The following PHIP variants were observed in gnomAD, a reference collection of about 807,000 sequenced individuals.
PHIP encodes PH-interacting protein.
Under a neutral mutation model 236.8 loss-of-function variants are expected in PHIP, and 54 were observed. The ratio of observed to expected loss-of-function variants is 0.23; its 90% CI spans 0.18 to 0.29. The LOEUF (loss-of-function observed/expected upper bound fraction) is 0.29. Among genes scored for constraint, PHIP ranks in the 10% least tolerant of loss-of-function variants. The pLI is 1.00. For missense variants in PHIP, 1,370 were observed against 2,190.8 expected, an observed-to-expected ratio of 0.63 and a Z score of 7.48; for synonymous variants, 756 against 718.9, an observed-to-expected ratio of 1.05 and a Z score of -0.83.
intron 6 of PHIP, among the ~76,000 whole-genome samples, chr6:79,058,175 A>G (rs1773169083): frequency 6.6e-6 from 1 of 152,112 alleles, no homozygotes; most frequent in African/African-American, 2.4e-5. Flanking sequence ...AGAAAGGTAC[A>G]TCAATCACCT....
intron 24 of PHIP, among the ~76,000 whole-genome samples, chr6:78,973,802 G>T (rs1562140789): frequency 6.6e-6 from 1 of 151,648 alleles, no homozygotes; most frequent in Non-Finnish European, 1.5e-5. Flanking sequence ...ATGGTAAAGG[G>T]GTCAATTCAA....
In PHIP at chr6:78,940,227, GTATAA is replaced by G. The variant is rs1773418661; in HGVS notation, c.*461_*465del. On this transcript the variant is annotated 3_prime_UTR_variant, in exon 40 of 40. Coordinates refer to ENST00000275034, the MANE Select transcript of PHIP (RefSeq NM_017934.7). Reference sequence around the variant, plus strand: ...ACATTTCTTAATTCACTGCTACTCTGTATAACATCTATCTTTTAGGGGCATGACTT... The same window carrying G: ...ACATTTCTTAATTCACTGCTACTCTGCATCTATCTTTTAGGGGCATGACTT... The G allele has an allele frequency of 1.3e-5, 2 of 151,884 alleles. No individual in the cohort carries two copies. The highest frequency in any genetic ancestry group is 6.6e-5 in the Admixed American group (1 of 15,236). The allele number at this position is 151,884 out of a possible 1,614,324, so 9.4% of individuals were successfully genotyped here.
At chr6:79,036,209 T>C (rs1009124566) in intron 7 of PHIP, among the ~76,000 whole-genome samples, 1 of 152,238 alleles carries the variant, frequency 6.6e-6, no homozygotes, top group Admixed American at 6.5e-5. Context: ...ACATTTCATA[T>C]TGAAAAGTAG....
intron 19 of PHIP, 85 bp downstream of exon 19, chr6:78,997,329 A>T (rs1013524721): frequency 1.7e-5 from 20 of 1,165,196 alleles, no homozygotes; most frequent in Non-Finnish European, 2.1e-5. Context: ...GGAATTACAG[A>T]GCTGAAAATA....
In PHIP at chr6:79,019,133, C is replaced by T; in HGVS notation, c.950G>A (p.Arg317His). Residue 317 changes from arginine to histidine, a missense_variant, in exon 10 of 40, where the codon CGC (arginine) becomes CAC (histidine). By Grantham distance (29) the Arg-to-His change is conservative. Coordinates refer to ENST00000275034, the MANE Select transcript of PHIP (RefSeq NM_017934.7). ...INPRPAKFTE[R>H]PRPGVQMICS... Reference sequence around the variant, plus strand: ...GATCATTTGAACTCCAGGCCGAGGGCGCTCTGTAAATTTTGCAGGTCTTGG... The same window carrying T: ...GATCATTTGAACTCCAGGCCGAGGGTGCTCTGTAAATTTTGCAGGTCTTGG... 1.9e-6 allele frequency: 3 copies of T among 1,612,508 alleles called. No homozygotes were observed. Among genetic ancestry groups the T allele is most frequent in the East Asian group, 2.2e-5 (1 of 44,814 alleles).
chr6:78,979,295 T>C (rs996876756), intron 23 of PHIP, among the ~76,000 whole-genome samples: 8 of 152,014 alleles, frequency 5.3e-5, no homozygotes, highest in Non-Finnish European at 8.8e-5. Flanking sequence ...CAAAAATCCA[T>C]AGCCAACACT....
At chr6:78,999,536 A>T (rs1428212659) in intron 17 of PHIP, among the ~76,000 whole-genome samples, 1 of 152,128 alleles carries the variant, frequency 6.6e-6, no homozygotes, top group Non-Finnish European at 1.5e-5. Context: ...AATCTAGTAC[A>T]ATGCTAGGCA....
At chr6:78,960,649 A>G (rs1260357182) in intron 31 of PHIP, among the ~76,000 whole-genome samples, 1 of 152,036 alleles carries the variant, frequency 6.6e-6, no homozygotes, top group Admixed American at 6.6e-5. Flanking sequence ...AAAGTCTAAT[A>G]TATTAGTTTT....
chr6:79,009,119 C>T (rs1770444826), intron 15 of PHIP, among the ~76,000 whole-genome samples: 1 of 152,028 alleles, frequency 6.6e-6, no homozygotes. Context: ...AACTATTTTT[C>T]TCTTAGCTTC....
chr6:79,026,002 G>C lies in PHIP; in HGVS notation c.763C>G (p.Arg255Gly). ...AGAACAGCCAAAGGTGCACAGGTTC[G>C]AAGACACCAGACTCGGATCATTTTA... ...CDKMIRVWCL[R>G]TCAPLAVLQG... Residue 255 changes from arginine to glycine, a missense_variant, in exon 8 of 40, where the codon CGA becomes GGA. Around this residue, in one of 14 missense-constraint regions of PHIP, gnomAD observed 188 missense variants for 354.3 expected, o/e 0.53. Transcript: ENST00000275034. 1 of 1,614,042 alleles carries C rather than the reference G, an allele frequency of 6.2e-7. No homozygotes were observed. The highest frequency in any genetic ancestry group is 8.5e-7 in the Non-Finnish European group (1 of 1,179,960).
intron 12 of PHIP, among the ~76,000 whole-genome samples, chr6:79,016,925 C>G (rs1480617767): frequency 6.6e-6 from 1 of 151,906 alleles, no homozygotes; most frequent in African/African-American, 2.4e-5. Context: ...ATTTTCTTCT[C>G]AATATTAAAG....
chr6:79,040,830 T>C (rs1476701280), intron 7 of PHIP, among the ~76,000 whole-genome samples: 1 of 152,048 alleles, frequency 6.6e-6, no homozygotes, highest in African/African-American at 2.4e-5. Context: ...CAGTAAAAAA[T>C]TACAAATGAG....
At chr6:78,955,209 TG>T in intron 34 of PHIP, 22 bp downstream of exon 34, 2 of 1,537,350 alleles carry the variant, frequency 1.3e-6, no homozygotes, top group Non-Finnish European at 8.9e-7. Flanking sequence ...AAAGTACTTC[TG>T]CTAAAACTAA....
intron 15 of PHIP, among the ~76,000 whole-genome samples, chr6:79,009,652 TA>T (rs1443811742): frequency 1.2e-4 from 18 of 152,218 alleles, no homozygotes; most frequent in African/African-American, 4.3e-4. Context: ...AAATATTTGT[TA>T]AAATGTTTTC....
At chr6:79,067,677 C>T (rs1247224130) in intron 4 of PHIP, 1 of 152,456 alleles carries the variant, frequency 6.6e-6, no homozygotes, top group Non-Finnish European at 1.5e-5. Flanking sequence ...ATTAGTTTAC[C>T]ACCCCCTGAT....
Position 78,961,772 on chromosome 6 carries a change from C to T in PHIP, c.3574G>A (p.Ala1192Thr). The T allele has an allele frequency of 6.2e-7, 1 of 1,610,878 alleles. No individual in the cohort carries two copies. Among genetic ancestry groups the T allele is most frequent in the East Asian group, 2.2e-5 (1 of 44,804 alleles). The change falls in exon 31 of 40, where the codon GCC becomes ACC. Residue 1192 changes from alanine (A) to threonine (T), a missense_variant. Physicochemically the swap from Ala to Thr is moderately conservative, Grantham distance 58. Around this residue, in one of 14 missense-constraint regions of PHIP, gnomAD observed 238 missense variants for 398.5 expected, o/e 0.60. Coordinates refer to ENST00000275034, the MANE Select transcript of PHIP (RefSeq NM_017934.7). ...SAFVAPVDLQ[A>T]YPMYCTVVAY... ...ACTACTGTGCAATACATGGGATAGG[C>T]TTGCAGATCCACGGGGGCCACAAAT...
At chr6:79,035,965 G>A (rs1333665071) in intron 7 of PHIP, among the ~76,000 whole-genome samples, 2 of 151,950 alleles carry the variant, frequency 1.3e-5, no homozygotes, top group African/African-American at 2.4e-5. Context: ...TGACCAACCC[G>A]GTGTCAATCT....
rs554262322 is a variant in PHIP, at chr6:78,935,722, G to T, written c.*4971C>A. On this transcript the variant is annotated 3_prime_UTR_variant, in exon 40 of 40. Transcript: ENST00000275034. The stretch of plus-strand genomic sequence containing the variant: ...ACTTTGCAAAACACACAGGGCACTG[G>T]AAACTCTAATGAACCAGCATTTACA... The T allele has an allele frequency of 1.3e-5, 13 of 985,118 alleles. No homozygotes were observed. Among genetic ancestry groups the T allele is most frequent in the Non-Finnish European group, 1.6e-5 (13 of 829,766 alleles). The allele number at this position is 985,118 out of a possible 1,614,324, so 61.0% of individuals were successfully genotyped here.
At chr6:78,998,991 G>A (rs921666365) in intron 17 of PHIP, among the ~76,000 whole-genome samples, 1 of 152,116 alleles carries the variant, frequency 6.6e-6, no homozygotes, top group African/African-American at 2.4e-5. Flanking sequence ...GAGTATGAAA[G>A]AGAGGTGTTG....
Sources: allele counts gnomAD v4.1 joint callset (sites outside exome capture counted in the v4.1 genomes callset), GRCh38; gene constraint gnomAD v4.1.1; regional missense constraint gnomAD v4.1.1; transcripts MANE v1.5; gene names NCBI Gene and HGNC (gene_info 2026-07-23, HGNC 2026-07-21).